The following SLAIN1 variants were observed in gnomAD, a reference collection of about 807,000 sequenced individuals.
SLAIN1 encodes the protein SLAIN motif-containing protein 1.
Under a neutral mutation model 55.4 loss-of-function variants are expected in SLAIN1, and 17 were observed. That is an observed-to-expected ratio of 0.31 (90% CI 0.21 to 0.46). SLAIN1 has a LOEUF of 0.46. SLAIN1 is among the 20% of genes least tolerant of loss of function. The pLI is 1.00. For synonymous variants in SLAIN1, 348 were observed against 337.4 expected (o/e 1.03, Z -0.35); for missense variants, 682 against 785.1 (o/e 0.87, Z 1.57).
intron 2 of SLAIN1, among the ~76,000 whole-genome samples, chr13:77,732,360 A>G (rs1872914987): frequency 6.6e-6 from 1 of 152,066 alleles, no homozygotes; most frequent in African/African-American, 2.4e-5. Context: ...TATTTAGCCT[A>G]TTTCTTCATG....
intron 4 of SLAIN1, among the ~76,000 whole-genome samples, chr13:77,751,101 A>T (rs887451771): frequency 6.6e-6 from 1 of 152,284 alleles, no homozygotes; most frequent in Admixed American, 6.5e-5. Context: ...TTGGATTAGC[A>T]TTCAAGTATA....
rs1296271941 is a variant in SLAIN1, at chr13:77,735,099, T to A, written c.767-9184T>A. Among the ~76,000 whole-genome samples, 3 of 152,024 alleles carry A rather than the reference T, an allele frequency of 2.0e-5. No individual in the cohort carries two copies. The East Asian group carries it at 5.8e-4, about 29-fold the overall frequency. On this transcript the variant is annotated intron_variant, in intron 2 of 6. Coordinates refer to ENST00000418532, the MANE Select transcript of SLAIN1 (RefSeq NM_001242868.2). Reference sequence around the variant, plus strand: ...TGCTACAACTTGCTATAACATTTCATTAAAAAAAGTATTACCATTTGTGAA... The same window carrying A: ...TGCTACAACTTGCTATAACATTTCAATAAAAAAAGTATTACCATTTGTGAA...
chr13:77,726,374 A>G (rs6563018), intron 2 of SLAIN1, among the ~76,000 whole-genome samples: 17,568 of 152,124 alleles, frequency 0.12, 1,050 homozygotes, highest in East Asian at 0.13. Flanking sequence ...CAGATGACTA[A>G]TATGTATCTA....
chr13:77,739,693 T>C (rs1429637479), intron 2 of SLAIN1, among the ~76,000 whole-genome samples: 2 of 152,224 alleles, frequency 1.3e-5, no homozygotes, highest in Middle Eastern at 3.4e-3. Context: ...TGGGAACTTT[T>C]TGTTGGTCAC....
intron 1 of SLAIN1, among the ~76,000 whole-genome samples, chr13:77,707,256 G>A (rs908839191): frequency 9.2e-5 from 14 of 151,674 alleles, no homozygotes; most frequent in African/African-American, 3.4e-4. Context: ...TCTTCAACTT[G>A]ATATTCCAAA....
chr13:77,728,287 C>A (rs368785985), intron 2 of SLAIN1, among the ~76,000 whole-genome samples: 6 of 152,086 alleles, frequency 3.9e-5, no homozygotes, highest in African/African-American at 1.2e-4. Flanking sequence ...TAAATTCACG[C>A]ATGAGGCTGG....
chr13:77,736,803 T>C (rs900169939), intron 2 of SLAIN1, among the ~76,000 whole-genome samples: 4 of 151,908 alleles, frequency 2.6e-5, no homozygotes, highest in African/African-American at 9.7e-5. Flanking sequence ...TTTTTTTTTT[T>C]TTGGTTGGGA....
At chr13:77,720,646 C>T (rs2091253181) in intron 2 of SLAIN1, among the ~76,000 whole-genome samples, 1 of 152,160 alleles carries the variant, frequency 6.6e-6, no homozygotes, top group Non-Finnish European at 1.5e-5. Context: ...TAACTGAACT[C>T]ATCTTTAGAG....
chr13:77,725,829 AT>A (rs1333331134), intron 2 of SLAIN1, among the ~76,000 whole-genome samples: 1 of 152,116 alleles, frequency 6.6e-6, no homozygotes, highest in Non-Finnish European at 1.5e-5. Flanking sequence ...TGGAGTAAGC[AT>A]CCCCAGGAAG....
intron 6 of SLAIN1, among the ~76,000 whole-genome samples, chr13:77,761,484 G>A (rs533935140): frequency 1.3e-5 from 2 of 152,276 alleles, no homozygotes; most frequent in African/African-American, 4.8e-5. Context: ...ATTGTAGGGC[G>A]GGGGGAGGTT....
At chr13:77,704,246 G>A (rs115069616) in intron 1 of SLAIN1, among the ~76,000 whole-genome samples, 30 of 46,540 alleles carry the variant, frequency 6.4e-4, no homozygotes, top group African/African-American at 1.7e-3. Flanking sequence ...GAAAATATAT[G>A]TACATATGTT....
At chr13:77,732,918 G>A (rs569744716) in intron 2 of SLAIN1, among the ~76,000 whole-genome samples, 73 of 152,188 alleles carry the variant, frequency 4.8e-4, no homozygotes, top group African/African-American at 1.6e-3. Context: ...AAGAAGTCCC[G>A]CAGAAGGATC....
intron 2 of SLAIN1, among the ~76,000 whole-genome samples, chr13:77,726,376 A>T (rs962879108): frequency 6.6e-6 from 1 of 152,190 alleles, no homozygotes; most frequent in Non-Finnish European, 1.5e-5. Context: ...GATGACTAAT[A>T]TGTATCTAAT....
chr13:77,758,407 T>A (rs1874761415), intron 5 of SLAIN1, among the ~76,000 whole-genome samples: 2 of 152,202 alleles, frequency 1.3e-5, no homozygotes, highest in African/African-American at 4.8e-5. Context: ...TTTATTTTGG[T>A]GTGCAGAAGC....
chr13:77,699,469 C>T (rs2091009736), intron 1 of SLAIN1, among the ~76,000 whole-genome samples: 1 of 152,088 alleles, frequency 6.6e-6, no homozygotes, highest in Non-Finnish European at 1.5e-5. Flanking sequence ...TTGCTGTAGT[C>T]CTTCTTTACT....
At chr13:77,744,259 A>G (rs757517252) in intron 2 of SLAIN1, 24 bp from the exon 3 acceptor site, 1 of 1,530,766 alleles carries the variant, frequency 6.5e-7, no homozygotes, top group Non-Finnish European at 9.1e-7. Context: ...AGATGGAAGA[A>G]CACACTTTTC....
chr13:77,721,399 A>T (rs1446745215), intron 2 of SLAIN1, among the ~76,000 whole-genome samples: 1 of 152,186 alleles, frequency 6.6e-6, no homozygotes, highest in Non-Finnish European at 1.5e-5. Flanking sequence ...GTGTGAGAAC[A>T]GACTAATACA....
At chr13:77,726,762 T>C (rs2091311616) in intron 2 of SLAIN1, among the ~76,000 whole-genome samples, 1 of 152,198 alleles carries the variant, frequency 6.6e-6, no homozygotes, top group African/African-American at 2.4e-5. Flanking sequence ...TATCCTCTTT[T>C]CCAAGCTGAT....
chr13:77,726,061 G>A (rs1224625984), intron 2 of SLAIN1, among the ~76,000 whole-genome samples: 1 of 152,306 alleles, frequency 6.6e-6, no homozygotes, highest in East Asian at 1.9e-4. Flanking sequence ...CCTGGACCTA[G>A]ATAACAAAAC....
Sources: allele counts gnomAD v4.1 joint callset (sites outside exome capture counted in the v4.1 genomes callset), GRCh38; gene constraint gnomAD v4.1.1; transcripts MANE v1.5; gene names NCBI Gene and HGNC (gene_info 2026-07-23, HGNC 2026-07-21).